ANKS1B: variants seen among roughly 807,000 people sequenced by gnomAD.
ANKS1B encodes ankyrin repeat and sterile alpha motif domain-containing protein 1B.
In ANKS1B, 36 loss-of-function variants were observed where a neutral mutation model predicts 148.3. That is an observed-to-expected ratio of 0.24 (90% CI 0.19 to 0.32). The LOEUF is 0.32. Ranked by LOEUF, ANKS1B falls within the 10% of genes least tolerant of loss-of-function variation. ANKS1B has a pLI of 1.00. For missense variants in ANKS1B, 1,157 were observed against 1,542.6 expected, an observed-to-expected ratio of 0.75 and a Z score of 4.19; for synonymous variants, 542 against 560.8, an observed-to-expected ratio of 0.97 and a Z score of 0.47.
At chr12:99,551,594 A>G (rs2097219677) in intron 9 of ANKS1B, among the ~76,000 whole-genome samples, 1 of 149,882 alleles carries the variant, frequency 6.7e-6, no homozygotes, top group South Asian at 2.1e-4. Context: ...TCTGGAGCAC[A>G]CAGGTGGGAA....
intron 8 of ANKS1B, among the ~76,000 whole-genome samples, chr12:99,706,828 T>C (rs901890332): frequency 6.6e-6 from 1 of 152,046 alleles, no homozygotes; most frequent in Non-Finnish European, 1.5e-5. Context: ...GTCAAGGAAT[T>C]GAAAGCATTC....
chr12:99,082,379 T>C (rs976685070), intron 16 of ANKS1B, among the ~76,000 whole-genome samples: 1 of 152,132 alleles, frequency 6.6e-6, no homozygotes, highest in African/African-American at 2.4e-5. Context: ...TGACAATGTA[T>C]AGGAGCAAGT....
At chr12:99,429,045 TAAAC>T (rs769648281) in intron 11 of ANKS1B, among the ~76,000 whole-genome samples, 3 of 152,154 alleles carry the variant, frequency 2.0e-5, no homozygotes, top group Non-Finnish European at 2.9e-5. Context: ...TCTGCAAGTA[TAAAC>T]AAATACACAA....
In ANKS1B at chr12:99,155,084, AC is replaced by A. The variant is rs1436513179; in HGVS notation, c.2420-690del. 45 of 1,532,924 alleles carry A rather than the reference AC, an allele frequency of 2.9e-5. No homozygotes were observed. In the East Asian group the frequency reaches 1.1e-3, roughly 37 times the overall value. 95.0% of individuals were successfully genotyped at this position (1,532,924 alleles called of 1,614,324 possible). A position where few individuals can be genotyped will look rare whatever the true frequency, so the allele number is the denominator to read the frequency against. On this transcript the variant is annotated intron_variant, in intron 14 of 26. Transcript: ENST00000683438. ...TGAATTGAATCTTCATACTGGTTAT[AC>A]GTTACAGAGCTATTTGTTGTGGAAT... is the stretch of plus-strand genomic sequence containing the variant.
intron 10 of ANKS1B, among the ~76,000 whole-genome samples, chr12:99,447,970 T>C (rs2152809866): frequency 6.6e-6 from 1 of 152,076 alleles, no homozygotes; most frequent in Admixed American, 6.6e-5. Context: ...AGCAAGGGTG[T>C]GGAGAAAGGG....
intron 1 of ANKS1B, among the ~76,000 whole-genome samples, chr12:99,900,260 C>T (rs1331301796): frequency 1.3e-5 from 2 of 151,292 alleles, no homozygotes; most frequent in Admixed American, 1.3e-4. Context: ...GTAATCCCAG[C>T]ACTTTGGGAG....
At chr12:99,767,726 CATATT>C (rs1347041696) in intron 8 of ANKS1B, among the ~76,000 whole-genome samples, 1 of 151,932 alleles carries the variant, frequency 6.6e-6, no homozygotes, top group Non-Finnish European at 1.5e-5. Context: ...GTTTCAGATG[CATATT>C]ATAAGAGTAT....
chr12:99,137,165 GCT>G (rs1463530619), intron 15 of ANKS1B, among the ~76,000 whole-genome samples: 1 of 152,212 alleles, frequency 6.6e-6, no homozygotes, highest in Non-Finnish European at 1.5e-5. Context: ...GAAATGGGAA[GCT>G]CTGATTACAG....
At chr12:99,900,653 A>C (rs374599850) in intron 1 of ANKS1B, among the ~76,000 whole-genome samples, 3 of 152,234 alleles carry the variant, frequency 2.0e-5, no homozygotes, top group South Asian at 2.1e-4. Context: ...GGAAGATTAC[A>C]TTATCCCCAC....
intron 14 of ANKS1B, among the ~76,000 whole-genome samples, chr12:99,209,833 T>A (rs997472994): frequency 6.6e-6 from 1 of 151,998 alleles, no homozygotes; most frequent in East Asian, 1.9e-4. Flanking sequence ...ACCAAAAACA[T>A]TCCAAACCCC....
At chr12:98,798,668 C>T (rs766901883) in intron 22 of ANKS1B, among the ~76,000 whole-genome samples, 1 of 151,736 alleles carries the variant, frequency 6.6e-6, no homozygotes, top group African/African-American at 2.4e-5. Flanking sequence ...TTTCTAATCT[C>T]GAAAATGATA....
At chr12:99,233,435 C>T (rs754972092) in intron 14 of ANKS1B, among the ~76,000 whole-genome samples, 47 of 152,018 alleles carry the variant, frequency 3.1e-4, no homozygotes, top group Non-Finnish European at 5.0e-4. Flanking sequence ...TCTAAAAATG[C>T]AAACCTGAGA....
intron 15 of ANKS1B, among the ~76,000 whole-genome samples, chr12:99,136,541 T>C (rs1045615540): frequency 6.6e-6 from 1 of 152,134 alleles, no homozygotes; most frequent in South Asian, 2.1e-4. Context: ...GCAACTGTAG[T>C]GTGGGTAGAG....
At chr12:99,436,505 T>G (rs543447952) in intron 11 of ANKS1B, among the ~76,000 whole-genome samples, 1 of 152,076 alleles carries the variant, frequency 6.6e-6, no homozygotes, top group Non-Finnish European at 1.5e-5. Flanking sequence ...TATTCTGTAC[T>G]CTTTCCAAGT....
chr12:99,558,554 G>A (rs2097301805), intron 9 of ANKS1B, among the ~76,000 whole-genome samples: 1 of 152,160 alleles, frequency 6.6e-6, no homozygotes, highest in Admixed American at 6.5e-5. Context: ...GTTGGTGTGT[G>A]TCAACAAGAG....
chr12:98,815,988 G>C (rs1475327232), intron 19 of ANKS1B, among the ~76,000 whole-genome samples: 3 of 152,030 alleles, frequency 2.0e-5, no homozygotes, highest in Non-Finnish European at 4.4e-5. Context: ...TGACCTGCAA[G>C]GTTCTCCGTT....
chr12:99,554,974 T>C (rs1255212790), intron 9 of ANKS1B, among the ~76,000 whole-genome samples: 2 of 152,132 alleles, frequency 1.3e-5, no homozygotes, highest in Admixed American at 6.6e-5. Flanking sequence ...CCTGTGTTAG[T>C]TTGCTTAGGA....
chr12:99,169,438 T>C (rs1246984828), intron 14 of ANKS1B, among the ~76,000 whole-genome samples: 1 of 151,944 alleles, frequency 6.6e-6, no homozygotes, highest in African/African-American at 2.4e-5. Context: ...ACAAGAGTTT[T>C]AAAAAAAAGA....
At chr12:99,035,982 T>C (rs1438392330) in intron 17 of ANKS1B, among the ~76,000 whole-genome samples, 1 of 152,214 alleles carries the variant, frequency 6.6e-6, no homozygotes, top group East Asian at 1.9e-4. Context: ...CTGTTGGCTC[T>C]GACAGCAGCT....
Sources: allele counts gnomAD v4.1 joint callset (sites outside exome capture counted in the v4.1 genomes callset), GRCh38; gene constraint gnomAD v4.1.1; transcripts MANE v1.5; gene names NCBI Gene and HGNC (gene_info 2026-07-23, HGNC 2026-07-21).